The following ADGRL2 variants were observed in gnomAD, a reference collection of about 807,000 sequenced individuals.
ADGRL2 encodes calcium-independent alpha-latrotoxin receptor 2.
ADGRL2 carries 44 observed loss-of-function variants against 157.4 expected under a neutral mutation model. That is an observed-to-expected ratio of 0.28 (90% confidence interval 0.22 to 0.36). The LOEUF is 0.36. Among genes scored for constraint, ADGRL2 ranks in the 10% least tolerant of loss-of-function variants. The pLI, the probability that ADGRL2 is intolerant of heterozygous loss-of-function variation, is 1.00. For synonymous variants in ADGRL2, 585 were observed against 624.7 expected, an observed-to-expected ratio of 0.94 and a Z score of 0.95; for missense variants, 1,510 against 1,768.9, an observed-to-expected ratio of 0.85 and a Z score of 2.63.
At chr1:81,529,080 T>C (rs1173149231) in intron 2 of ADGRL2, among the ~76,000 whole-genome samples, 1 of 151,096 alleles carries the variant, frequency 6.6e-6, no homozygotes, top group East Asian at 1.9e-4. Context: ...AGCTGAGGAG[T>C]GTGGAGTTTA....
rs72719419 is a variant in ADGRL2 at position 81,990,423 on chromosome 1, G to C, written c.3688G>C (p.Ala1230Pro). 6.9e-3 allele frequency: 11,207 copies of C among 1,613,964 alleles called. 50 individuals are homozygous for C. The highest frequency in any genetic ancestry group is 8.8e-3 in the Non-Finnish European group (10,399 of 1,179,910). ...ACTGAACAATGCCAGGGATACAAGTGCCATGGATACTCTACCGCTAAATGG... is the reference window on the plus strand; with the variant it reads ...ACTGAACAATGCCAGGGATACAAGTCCCATGGATACTCTACCGCTAAATGG... ...HSLNNARDTS[A>P]MDTLPLNGNF... The change falls in exon 24 of 24, where the codon GCC becomes CCC. Residue 1230 changes from alanine to proline, a missense_variant. Ala to Pro is a conservative substitution (Grantham distance 27). Coordinates refer to ENST00000686636, the MANE Select transcript of ADGRL2 (RefSeq NM_001366006.2).
At chr1:81,853,270 T>C (rs550216286) in intron 2 of ADGRL2, among the ~76,000 whole-genome samples, 6 of 152,304 alleles carry the variant, frequency 3.9e-5, no homozygotes, top group Admixed American at 3.9e-4. Context: ...TATTTGCTAA[T>C]TATCCTTCAC....
At chr1:81,393,929 T>A in intron 1 of ADGRL2, among the ~76,000 whole-genome samples, 1 of 151,826 alleles carries the variant, frequency 6.6e-6, no homozygotes, top group East Asian at 1.9e-4. Context: ...TACTGATATT[T>A]GAAGGTAACA....
intron 1 of ADGRL2, among the ~76,000 whole-genome samples, chr1:81,712,447 T>C (rs1209229575): frequency 6.6e-6 from 1 of 152,200 alleles, no homozygotes; most frequent in Non-Finnish European, 1.5e-5. Flanking sequence ...ATTCCTAACA[T>C]ATGACTTGGT....
chr1:81,311,024 C>T lies in ADGRL2; in HGVS notation c.-302+4515C>T, dbSNP rs1343288823. Among the ~76,000 whole-genome samples, 13 of 152,150 alleles carry T rather than the reference C, an allele frequency of 8.5e-5. No individual in the cohort carries two copies. In the East Asian group the frequency reaches 2.3e-3, roughly 27 times the overall value. ...CTGAGCTCCCTATCTAAAAAGATGT[C>T]AATTTCCTGAAATTAAATATAAAAC... is the stretch of plus-strand genomic sequence containing the variant. On this transcript the variant is annotated intron_variant, in intron 1 of 24. Transcript: ENST00000370721.
At chr1:81,528,614 T>A in intron 2 of ADGRL2, among the ~76,000 whole-genome samples, 1 of 130,800 alleles carries the variant, frequency 7.6e-6, no homozygotes, top group Non-Finnish European at 1.5e-5. Flanking sequence ...GCCACTGCAG[T>A]CCGGCCTGGG....
At chr1:81,529,045 G>T (rs1199865996) in intron 2 of ADGRL2, among the ~76,000 whole-genome samples, 1 of 152,136 alleles carries the variant, frequency 6.6e-6, no homozygotes, top group African/African-American at 2.4e-5. Context: ...GGTGAAAAAA[G>T]ATTTACGAAG....
chr1:81,949,457 G>C (rs1350701948), intron 6 of ADGRL2, among the ~76,000 whole-genome samples: 2 of 152,230 alleles, frequency 1.3e-5, no homozygotes, highest in Non-Finnish European at 2.9e-5. Flanking sequence ...GGGTGACTAA[G>C]ATATGAAGGG....
intron 1 of ADGRL2, among the ~76,000 whole-genome samples, chr1:81,372,866 G>A (rs2076185086): frequency 6.6e-6 from 1 of 152,292 alleles, no homozygotes; most frequent in African/African-American, 2.4e-5. Flanking sequence ...CCAGAAGTGT[G>A]TTGGCAACAG....
intron 2 of ADGRL2, among the ~76,000 whole-genome samples, chr1:81,876,870 A>G (rs2093854316): frequency 6.6e-6 from 1 of 152,166 alleles, no homozygotes; most frequent in African/African-American, 2.4e-5. Flanking sequence ...TCAGCTTCAA[A>G]AAGTTTTAGC....
intron 2 of ADGRL2, among the ~76,000 whole-genome samples, chr1:81,565,592 G>A (rs1224943493): frequency 6.6e-6 from 1 of 152,170 alleles, no homozygotes; most frequent in African/African-American, 2.4e-5. Flanking sequence ...AAAACTTCTG[G>A]CAGCATGTGC....
intron 3 of ADGRL2, among the ~76,000 whole-genome samples, chr1:81,597,012 A>G (rs1238706243): frequency 6.6e-6 from 1 of 152,232 alleles, no homozygotes; most frequent in Admixed American, 6.5e-5. Flanking sequence ...CTACCAAATA[A>G]GTATTTAAGC....
chr1:81,356,402 G>A (rs1162080638), intron 1 of ADGRL2, among the ~76,000 whole-genome samples: 2 of 152,124 alleles, frequency 1.3e-5, no homozygotes, highest in East Asian at 1.9e-4. Flanking sequence ...TGTGTCTTCT[G>A]ATTACTATAT....
chr1:81,754,756 T>A (rs374387352), intron 1 of ADGRL2, among the ~76,000 whole-genome samples: 5 of 150,832 alleles, frequency 3.3e-5, no homozygotes, highest in African/African-American at 1.2e-4. Flanking sequence ...GTGTAGTAGG[T>A]TCAACATGCA....
intron 2 of ADGRL2, among the ~76,000 whole-genome samples, chr1:81,479,865 C>A (rs932541915): frequency 6.6e-6 from 1 of 152,104 alleles, no homozygotes. Flanking sequence ...ATTTAGATGT[C>A]TTCATTTGTT....
chr1:81,984,585 A>G lies in ADGRL2; in HGVS notation c.3285A>G (p.Val1095=). The G allele has an allele frequency of 6.2e-7, 1 of 1,603,802 alleles. No homozygotes were observed. Among genetic ancestry groups the G allele is most frequent in the Non-Finnish European group, 8.5e-7 (1 of 1,172,644 alleles). The change falls in exon 20 of 24, where the codon GTA becomes GTG. Residue 1095 remains valine (V), a splice_region_variant and synonymous_variant. Transcript: ENST00000686636. ...GGTCTTGTGATTATTCAATGCAGGTACGAAAAGAATATGGCAAGTGCTTCA... is the reference window on the plus strand; with the variant it reads ...GGTCTTGTGATTATTCAATGCAGGTGCGAAAAGAATATGGCAAGTGCTTCA... ...FIFHCALQKK[V]RKEYGKCFRH...
At chr1:81,862,433 G>C (rs1178944384) in intron 2 of ADGRL2, among the ~76,000 whole-genome samples, 1 of 152,092 alleles carries the variant, frequency 6.6e-6, no homozygotes, top group African/African-American at 2.4e-5. Flanking sequence ...TACTAGGTAA[G>C]TACTCTTTTC....
intron 2 of ADGRL2, among the ~76,000 whole-genome samples, chr1:81,777,410 C>T (rs187379108): frequency 5.5e-4 from 84 of 152,270 alleles, no homozygotes; most frequent in Middle Eastern, 3.4e-3. Context: ...TGTTTTGGTC[C>T]CAAGGCAAGA....
intron 3 of ADGRL2, among the ~76,000 whole-genome samples, chr1:81,921,915 C>T (rs1317349607): frequency 6.6e-6 from 1 of 152,068 alleles, no homozygotes; most frequent in Non-Finnish European, 1.5e-5. Context: ...GCCAAACACT[C>T]TAACAGTATT....
Sources: gnomAD v4.1 joint callset for allele counts (sites outside exome capture counted in the v4.1 genomes callset) on GRCh38, gnomAD v4.1.1 for gene constraint, MANE v1.5 for transcripts, NCBI Gene and HGNC (gene_info 2026-07-23, HGNC 2026-07-21) for gene names.